Variants in COL4A4 observed in about 807,000 individuals in gnomAD.
The protein encoded by COL4A4 is collagen type IV alpha 4 chain, also known as collagen alpha-4(IV) chain.
A neutral mutation model predicts 192.9 loss-of-function variants in COL4A4; 105 were observed. The ratio of observed to expected loss-of-function variants is 0.54; its 90% confidence interval spans 0.46 to 0.64. COL4A4 has a LOEUF of 0.64. Among genes scored for constraint, COL4A4 ranks in the 30% least tolerant of loss-of-function variants. COL4A4 has a pLI of 0.00. For missense variants in COL4A4, 1,967 were observed against 2,169.3 expected (o/e 0.91, Z 1.85); for synonymous variants, 762 against 769.9 (o/e 0.99, Z 0.17).
intron 45 of COL4A4, among the ~76,000 whole-genome samples, chr2:227,011,314 A>G (rs960432289): frequency 6.6e-6 from 1 of 152,216 alleles, no homozygotes; most frequent in East Asian, 1.9e-4. Context: ...CAGAGACGAC[A>G]AAGTGGTAGC....
At chr2:226,992,655 G>A in the COL4A4 span, among the ~76,000 whole-genome samples, 84 of 152,282 alleles carry the variant, frequency 5.5e-4, 1 homozygote, top group Middle Eastern at 6.8e-3. Flanking sequence ...AACTTAGACT[G>A]GAACTTCTTA....
intron 1 of COL4A4, among the ~76,000 whole-genome samples, chr2:227,154,170 T>C (rs187705700): frequency 2.0e-5 from 3 of 152,348 alleles, no homozygotes; most frequent in Admixed American, 2.0e-4. Flanking sequence ...GTTATCCTCC[T>C]CTAATTCCGT....
intron 4 of COL4A4, among the ~76,000 whole-genome samples, chr2:227,127,705 C>G (rs2062173093): frequency 6.6e-6 from 1 of 152,130 alleles, no homozygotes; most frequent in Admixed American, 6.5e-5. Flanking sequence ...TGACAAAAAT[C>G]TAAGAAATCG....
intron 4 of COL4A4, among the ~76,000 whole-genome samples, chr2:227,130,753 A>T (rs546847846): frequency 1.4e-4 from 21 of 152,156 alleles, no homozygotes; most frequent in Non-Finnish European, 2.6e-4. Flanking sequence ...CCAAACCTGG[A>T]CTCATGATCG....
the COL4A4 span, among the ~76,000 whole-genome samples, chr2:226,979,416 G>C: frequency 6.6e-6 from 1 of 152,116 alleles, no homozygotes; most frequent in Non-Finnish European, 1.5e-5. Context: ...TGAATCCCAG[G>C]TCACCACCCA....
At chr2:227,125,320 G>A (rs1252259225) in intron 4 of COL4A4, among the ~76,000 whole-genome samples, 1 of 151,556 alleles carries the variant, frequency 6.6e-6, no homozygotes, top group African/African-American at 2.4e-5. Flanking sequence ...CGATTCTACT[G>A]CCTCAGCCTC....
chr2:227,041,613 C>A (rs1559474551), intron 37 of COL4A4, among the ~76,000 whole-genome samples: 2 of 146,708 alleles, frequency 1.4e-5, no homozygotes, highest in South Asian at 2.2e-4. Flanking sequence ...TGTACTCCAG[C>A]CTGGGTGACA....
chr2:227,022,854 A>G (rs2149862874), intron 43 of COL4A4, among the ~76,000 whole-genome samples: 1 of 152,264 alleles, frequency 6.6e-6, no homozygotes, highest in Non-Finnish European at 1.5e-5. Context: ...TTTCAAAAGT[A>G]CTCATGAATA....
At position 227,054,864 on chromosome 2, in the gene COL4A4, A is replaced by G. The variant is rs184079874; in HGVS notation, c.2717-127T>C. On this transcript the variant is annotated intron_variant, in intron 30 of 47. Transcript: ENST00000396625. ...AAGTGCAGTGGCACGATCTCGGCTC[A>G]TTGCAACCTCTGCCTCCCAAGTTCA... The G allele has an allele frequency of 1.4e-3, 1,413 of 1,026,524 alleles. 14 individuals are homozygous for G. In the African/African-American group the frequency reaches 0.02, roughly 15 times the overall value. The allele number at this position is 1,026,524 out of a possible 1,614,324, so 63.6% of individuals were successfully genotyped here.
At chr2:227,066,864 CA>C in intron 25 of COL4A4, among the ~76,000 whole-genome samples, 1 of 151,264 alleles carries the variant, frequency 6.6e-6, no homozygotes, top group East Asian at 1.9e-4. Context: ...TCAAACATAA[CA>C]ATATTAACTT....
At position 227,111,615 on chromosome 2, in the gene COL4A4, A is replaced by G. The variant is rs7558996; in HGVS notation, c.594+63T>C. The G allele has an allele frequency of 8.6e-3, 13,435 of 1,559,128 alleles. 960 individuals are homozygous for G. The African/African-American group carries it at 0.16, about 18-fold the overall frequency. Reference sequence around the variant, plus strand: ...TATGTAGCTGGCTTTGCTGGGATTAAAACGTGGATCATAGGCTATTTGAGG... The same window carrying G: ...TATGTAGCTGGCTTTGCTGGGATTAGAACGTGGATCATAGGCTATTTGAGG... On this transcript the variant is annotated intron_variant, in intron 9 of 47. Coordinates refer to ENST00000396625, the MANE Select transcript of COL4A4 (RefSeq NM_000092.5).
At chr2:227,002,020 A>AATT (rs1351114880), downstream of COL4A4, among the ~76,000 whole-genome samples, 10 of 152,170 alleles carry the variant, frequency 6.6e-5, no homozygotes, top group East Asian at 1.9e-3. Context: ...AAAAATTAAA[A>AATT]ATTAACCAGG....
chr2:227,142,673 C>G (rs922718347), intron 3 of COL4A4, among the ~76,000 whole-genome samples: 3 of 151,380 alleles, frequency 2.0e-5, no homozygotes, highest in South Asian at 2.1e-4. Context: ...GGGAGAATCA[C>G]TTGAACTGGG....
the COL4A4 span, among the ~76,000 whole-genome samples, chr2:226,974,673 A>T: frequency 6.6e-6 from 1 of 152,160 alleles, no homozygotes; most frequent in Admixed American, 6.5e-5. Flanking sequence ...ATGGGAAGGT[A>T]CCTGTGGAAG....
chr2:227,113,424 A>G (rs1351315476), intron 8 of COL4A4, among the ~76,000 whole-genome samples: 1 of 152,226 alleles, frequency 6.6e-6, no homozygotes, highest in East Asian at 1.9e-4. Context: ...CAATTACAAA[A>G]AAATGCTCAC....
intron 1 of COL4A4, among the ~76,000 whole-genome samples, chr2:227,162,051 T>C (rs77798290): frequency 0.015 from 2,347 of 152,284 alleles, 33 homozygotes; most frequent in Non-Finnish European, 0.02. Context: ...ATGGTGAGTA[T>C]GTCTATTTTA....
At chr2:227,064,883 G>A (rs2058197469) in intron 25 of COL4A4, among the ~76,000 whole-genome samples, 1 of 152,206 alleles carries the variant, frequency 6.6e-6, no homozygotes, top group African/African-American at 2.4e-5. Context: ...AATGCTAAAA[G>A]GGAAGATGGC....
At chr2:227,149,780 G>A (rs1021143118) in intron 1 of COL4A4, among the ~76,000 whole-genome samples, 1 of 152,174 alleles carries the variant, frequency 6.6e-6, no homozygotes, top group Non-Finnish European at 1.5e-5. Context: ...TGTTGTTGTG[G>A]TCACGTTCCA....
In COL4A4 at chr2:227,140,248, G is replaced by A. The variant is rs751986348; in HGVS notation, c.115-10C>T. The A allele has an allele frequency of 1.2e-6, 2 of 1,610,712 alleles. No individual in the cohort carries two copies. Among genetic ancestry groups the A allele is most frequent in the South Asian group, 2.2e-5 (2 of 90,970 alleles). ...TGTATTTCTTTCCACTCTGGAAAGTGAAGCATCTTATTTAGTATACCAGTA... is the reference window on the plus strand; with the variant it reads ...TGTATTTCTTTCCACTCTGGAAAGTAAAGCATCTTATTTAGTATACCAGTA... On this transcript the variant is annotated splice_polypyrimidine_tract_variant and intron_variant, in intron 3 of 47. Coordinates refer to ENST00000396625, the MANE Select transcript of COL4A4 (RefSeq NM_000092.5).
Sources: allele counts gnomAD v4.1 joint callset (sites outside exome capture counted in the v4.1 genomes callset), GRCh38; gene constraint gnomAD v4.1.1; transcripts MANE v1.5; gene names NCBI Gene and HGNC (gene_info 2026-07-23, HGNC 2026-07-21).